The following FSTL4 variants were observed in gnomAD, a reference collection of about 807,000 sequenced individuals.
FSTL4 encodes the protein follistatin-related protein 4.
A neutral mutation model predicts 78.2 loss-of-function variants in FSTL4; 28 were observed. That is an observed-to-expected ratio of 0.36 (90% CI 0.27 to 0.49). The LOEUF is 0.49. Ranked by LOEUF, FSTL4 falls within the 20% of genes least tolerant of loss-of-function variation. The pLI, the probability that FSTL4 is intolerant of heterozygous loss-of-function variation, is 0.98. For synonymous variants in FSTL4, 422 were observed against 440.5 expected, an observed-to-expected ratio of 0.96 and a Z score of 0.53; for missense variants, 922 against 1,084.9, an observed-to-expected ratio of 0.85 and a Z score of 2.11.
At chr5:133,595,357 C>T (rs1396898568) in intron 2 of FSTL4, among the ~76,000 whole-genome samples, 2 of 152,156 alleles carry the variant, frequency 1.3e-5, no homozygotes, top group African/African-American at 4.8e-5. Context: ...TGTAAGGAGT[C>T]CCAAAACTCA....
intron 3 of FSTL4, among the ~76,000 whole-genome samples, chr5:133,429,840 C>G (rs1476800999): frequency 6.6e-6 from 1 of 152,184 alleles, no homozygotes; most frequent in Non-Finnish European, 1.5e-5. Flanking sequence ...CACTCCACCT[C>G]AAGATGTAAC....
chr5:133,507,937 A>G (rs925515094), intron 3 of FSTL4, among the ~76,000 whole-genome samples: 5 of 152,232 alleles, frequency 3.3e-5, no homozygotes, highest in Non-Finnish European at 5.9e-5. Flanking sequence ...TGTGTGAGGT[A>G]TTACAGTCAC....
At chr5:133,738,832 G>GA in the FSTL4 span, among the ~76,000 whole-genome samples, 1 of 152,150 alleles carries the variant, frequency 6.6e-6, no homozygotes, top group Non-Finnish European at 1.5e-5. Flanking sequence ...CAGAGCTGCT[G>GA]AAAAATGGAG....
the FSTL4 span, among the ~76,000 whole-genome samples, chr5:133,819,807 C>A: frequency 6.6e-6 from 1 of 152,188 alleles, no homozygotes; most frequent in South Asian, 2.1e-4. Flanking sequence ...GCTGAGGGAC[C>A]TCCACATCAA....
At chr5:133,301,753 G>C (rs982740290) in intron 6 of FSTL4, among the ~76,000 whole-genome samples, 3 of 152,200 alleles carry the variant, frequency 2.0e-5, no homozygotes, top group Non-Finnish European at 4.4e-5. Context: ...CAGGCGGCTC[G>C]CACAGAGGCC....
the FSTL4 span, among the ~76,000 whole-genome samples, chr5:133,649,530 C>T: frequency 1.3e-5 from 2 of 152,144 alleles, no homozygotes; most frequent in Non-Finnish European, 2.9e-5. Flanking sequence ...ACAACATCAG[C>T]GTACTGGGTT....
At chr5:133,214,618 AAAC>A (rs1750850228) in intron 13 of FSTL4, among the ~76,000 whole-genome samples, 1 of 152,208 alleles carries the variant, frequency 6.6e-6, no homozygotes, top group African/African-American at 2.4e-5. Context: ...GACTGAGAAA[AAAC>A]AACTCAAAAA....
chr5:133,333,535 G>A (rs893985567), intron 4 of FSTL4, among the ~76,000 whole-genome samples: 1 of 152,170 alleles, frequency 6.6e-6, no homozygotes, highest in African/African-American at 2.4e-5. Flanking sequence ...CTAACACACT[G>A]GCACATCCTG....
intron 3 of FSTL4, among the ~76,000 whole-genome samples, chr5:133,432,154 T>C (rs1756953291): frequency 6.6e-6 from 1 of 152,162 alleles, no homozygotes; most frequent in Non-Finnish European, 1.5e-5. Flanking sequence ...GGTTTCATTA[T>C]CTTTAAAAAA....
intron 4 of FSTL4, among the ~76,000 whole-genome samples, chr5:133,357,792 C>T (rs1580646260): frequency 6.6e-6 from 1 of 152,244 alleles, no homozygotes; most frequent in African/African-American, 2.4e-5. Context: ...TTGACTTGGG[C>T]TCGGAGACAC....
At chr5:133,245,470 C>T (rs1752014538) in intron 7 of FSTL4, among the ~76,000 whole-genome samples, 2 of 152,222 alleles carry the variant, frequency 1.3e-5, no homozygotes, top group South Asian at 4.1e-4. Flanking sequence ...TGTTAATATT[C>T]AAGGACCTTT....
At chr5:133,627,350 A>T in the FSTL4 span, among the ~76,000 whole-genome samples, 1 of 152,140 alleles carries the variant, frequency 6.6e-6, no homozygotes, top group Non-Finnish European at 1.5e-5. Context: ...CAAGACAATG[A>T]GAGCCAAGGA....
intron 2 of FSTL4, among the ~76,000 whole-genome samples, chr5:133,575,467 A>G (rs1760256671): frequency 6.6e-6 from 1 of 152,218 alleles, no homozygotes; most frequent in South Asian, 2.1e-4. Flanking sequence ...TCCCATGCTT[A>G]GCATGGTGTC....
At position 133,225,005 on chromosome 5, in the gene FSTL4, C is replaced by A. The variant is rs1561628892; in HGVS notation, c.1312+145G>T. The A allele has an allele frequency of 1.1e-6, 1 of 935,674 alleles. No homozygotes were observed. Among genetic ancestry groups the A allele is most frequent in the African/African-American group, 1.6e-5 (1 of 62,080 alleles). The allele number at this position is 935,674 out of a possible 1,614,324, so 58.0% of individuals were successfully genotyped here. ...ACCTCTGGGTGCCCTCCAATTCCAG[C>A]TTTATGCAAAGAGGGATATGAGGCT... On this transcript the variant is annotated intron_variant, in intron 10 of 15. Coordinates refer to ENST00000265342, the MANE Select transcript of FSTL4 (RefSeq NM_015082.2). This position sits in a 1 kb window ranked among gnomAD's most constrained non-coding sequence, Gnocchi z 4.6.
upstream of FSTL4, among the ~76,000 whole-genome samples, chr5:133,614,050 T>A (rs897220416): frequency 1.3e-5 from 2 of 152,188 alleles, no homozygotes; most frequent in African/African-American, 4.8e-5. Flanking sequence ...CAGGGAAGTT[T>A]GGAAATGTGC....
At chr5:133,530,848 T>C (rs763363887) in intron 3 of FSTL4, among the ~76,000 whole-genome samples, 3 of 152,284 alleles carry the variant, frequency 2.0e-5, no homozygotes, top group Middle Eastern at 3.4e-3. Context: ...CAGGCTGAGC[T>C]GGGCCAGAGA....
chr5:133,520,556 A>G (rs890813069), intron 3 of FSTL4, among the ~76,000 whole-genome samples: 9 of 152,148 alleles, frequency 5.9e-5, no homozygotes, highest in African/African-American at 2.2e-4. Context: ...TCCAATGGCA[A>G]GGTGCTAAGT....
chr5:133,683,009 A>G, the FSTL4 span, among the ~76,000 whole-genome samples: 2 of 152,230 alleles, frequency 1.3e-5, no homozygotes, highest in Non-Finnish European at 2.9e-5. Context: ...TTTGGAAGAA[A>G]TATTTATTTA....
the FSTL4 span, among the ~76,000 whole-genome samples, chr5:133,827,815 G>A: frequency 1.3e-5 from 2 of 151,936 alleles, no homozygotes; most frequent in South Asian, 2.1e-4. Context: ...GGTTGACAAA[G>A]GACAGAGCAT....
Sources: gnomAD v4.1 joint callset for allele counts (sites outside exome capture counted in the v4.1 genomes callset) on GRCh38, gnomAD v4.1.1 for gene constraint, Gnocchi (gnomAD v3.1) non-coding constraint, MANE v1.5 for transcripts, NCBI Gene and HGNC (gene_info 2026-07-23, HGNC 2026-07-21) for gene names.